The following HIVEP2 variants were observed in gnomAD, a reference collection of about 807,000 sequenced individuals.
The protein encoded by HIVEP2 is HIVEP zinc finger 2, also known as transcription factor HIVEP2.
In HIVEP2, 14 loss-of-function variants were observed where a neutral mutation model predicts 180.7. That is an observed-to-expected ratio of 0.08 (90% confidence interval 0.05 to 0.12). HIVEP2 has a LOEUF of 0.12. HIVEP2 is among the 10% of genes least tolerant of loss of function. The pLI is 1.00. For synonymous variants in HIVEP2, 1,184 were observed against 1,136.4 expected, an observed-to-expected ratio of 1.04 and a Z score of -0.84; for missense variants, 2,579 against 3,008.5, an observed-to-expected ratio of 0.86 and a Z score of 3.34.
At chr6:142,854,059 C>T (rs555103871) in intron 1 of HIVEP2, among the ~76,000 whole-genome samples, 57 of 152,272 alleles carry the variant, frequency 3.7e-4, no homozygotes, top group African/African-American at 8.7e-4. Flanking sequence ...TTGTTTCTTA[C>T]TCTGGTTTCT....
rs1292192011 is a variant in HIVEP2 at position 142,770,391 on chromosome 6, G to A, written c.4348C>T (p.Leu1450Phe). Residue 1450 changes from leucine to phenylalanine, a missense_variant, in exon 5 of 10, where the codon CTC becomes TTC. By Grantham distance (22) the Leu-to-Phe change is conservative (BLOSUM62 0). Transcript: ENST00000367603. The surrounding 1 kb of genome is among the most constrained non-coding windows in gnomAD (Gnocchi z 4.7). ...TTCTGCTGCTTGGTTTCCATGAAGA[G>A]CTCCAAGCTACTGGCTGGAGAAAGC... ...RMLSPASSLE[L>F]FMETKQQKRV... The A allele has an allele frequency of 6.2e-7, 1 of 1,614,166 alleles. No individual in the cohort carries two copies. The highest frequency in any genetic ancestry group is 8.5e-7 in the Non-Finnish European group (1 of 1,180,042).
intron 1 of HIVEP2, among the ~76,000 whole-genome samples, chr6:142,850,688 A>T (rs567286397): frequency 7.4e-4 from 112 of 152,360 alleles, no homozygotes; most frequent in Non-Finnish European, 1.4e-3. Flanking sequence ...CATTTTATTC[A>T]GACATCTAGA....
rs565469015 is a variant in HIVEP2, at chr6:142,884,982, G to A, written c.-640-47935C>T. 1.2e-3 allele frequency among the ~76,000 whole-genome samples: 176 copies of A among 152,152 alleles called. 1 individual carries two copies. Among genetic ancestry groups the A allele is most frequent in the African/African-American group, 4.1e-3 (170 of 41,542 alleles). ...CTCCAGATAGATACCCAAGCATATA[G>A]AGATTAAAAACGACACTAAATTCCT... On this transcript the variant is annotated intron_variant, in intron 1 of 9. Coordinates refer to ENST00000367603, the MANE Select transcript of HIVEP2 (RefSeq NM_006734.4).
At chr6:142,827,195 G>A (rs1230790435) in intron 2 of HIVEP2, among the ~76,000 whole-genome samples, 5 of 151,642 alleles carry the variant, frequency 3.3e-5, no homozygotes, top group African/African-American at 4.8e-5. Context: ...TATCAAGCCC[G>A]GTTGGCTATA....
intron 2 of HIVEP2, among the ~76,000 whole-genome samples, chr6:142,787,661 A>C (rs1776037503): frequency 6.6e-6 from 1 of 152,104 alleles, no homozygotes; most frequent in Non-Finnish European, 1.5e-5. Flanking sequence ...GGACTAGAGA[A>C]GGCAGGTACA....
At chr6:142,821,883 G>A (rs1045981416) in intron 2 of HIVEP2, among the ~76,000 whole-genome samples, 1 of 152,198 alleles carries the variant, frequency 6.6e-6, no homozygotes, top group Non-Finnish European at 1.5e-5. Context: ...GGCATGGCTG[G>A]AGATGACCAC....
chr6:142,941,892 A>G (rs1778187420), intron 1 of HIVEP2, among the ~76,000 whole-genome samples: 1 of 152,238 alleles, frequency 6.6e-6, no homozygotes, highest in South Asian at 2.1e-4. Flanking sequence ...GAACTAATGT[A>G]TAGACCAACA....
At chr6:142,839,245 G>A (rs954515186) in intron 1 of HIVEP2, among the ~76,000 whole-genome samples, 4 of 151,988 alleles carry the variant, frequency 2.6e-5, no homozygotes, top group African/African-American at 7.2e-5. Flanking sequence ...ATAAACACAC[G>A]ATGGTAAATG....
chr6:142,912,914 GC>G (rs759908205), intron 1 of HIVEP2, among the ~76,000 whole-genome samples: 1 of 152,178 alleles, frequency 6.6e-6, no homozygotes, highest in Non-Finnish European at 1.5e-5. Context: ...TGGAATTATT[GC>G]TTGTGCTGCA....
intron 2 of HIVEP2, chr6:142,794,115 C>T (rs1776226107): frequency 1.3e-5 from 2 of 152,274 alleles, no homozygotes; most frequent in Admixed American, 1.3e-4. Flanking sequence ...CCTCTTTGGG[C>T]TGACTGATAG....
intron 1 of HIVEP2, among the ~76,000 whole-genome samples, chr6:142,924,334 G>A (rs1282925430): frequency 6.6e-6 from 1 of 152,054 alleles, no homozygotes; most frequent in East Asian, 1.9e-4. Context: ...TTCAGCACCC[G>A]TGCTCTGAGC....
At chr6:142,914,896 C>T (rs1243136365) in intron 1 of HIVEP2, among the ~76,000 whole-genome samples, 1 of 152,154 alleles carries the variant, frequency 6.6e-6, no homozygotes, top group Non-Finnish European at 1.5e-5. Flanking sequence ...CTTTCTACCT[C>T]AACTTTCCAC....
intron 2 of HIVEP2, among the ~76,000 whole-genome samples, chr6:142,810,670 G>A (rs542932016): frequency 2.0e-5 from 3 of 150,264 alleles, no homozygotes; most frequent in Admixed American, 1.3e-4. Flanking sequence ...GCTGAGGCAG[G>A]AGAATTGCTT....
chr6:142,770,626 C>G lies in HIVEP2; in HGVS notation c.4113G>C (p.Glu1371Asp). ...SPAIVICKVD[E>D]NMTQRTLVTN... The stretch of plus-strand genomic sequence containing the variant: ...TGACCAGTGTCCTTTGGGTCATATT[C>G]TCATCGACTTTGCATATGACAATGG... Residue 1371 changes from glutamate (E) to aspartate (D), a missense_variant, in exon 5 of 10, where the codon GAG (glutamate) becomes GAC (aspartate). By Grantham distance (45) the Glu-to-Asp change is conservative. Transcript: ENST00000367603. This position sits in a 1 kb window ranked among gnomAD's most constrained non-coding sequence, Gnocchi z 4.7. The G allele has an allele frequency of 6.2e-7, 1 of 1,614,240 alleles. No homozygotes were observed.
chr6:142,760,515 C>T lies in HIVEP2; in HGVS notation c.5773G>A (p.Gly1925Arg). 1 of 1,614,070 alleles carries T rather than the reference C, an allele frequency of 6.2e-7. No homozygotes were observed. Among genetic ancestry groups the T allele is most frequent in the Non-Finnish European group, 8.5e-7 (1 of 1,180,018 alleles). Residue 1925 changes from glycine (G) to arginine (R), a missense_variant, in exon 9 of 10, where the codon GGA becomes AGA. Gly to Arg is a moderately radical substitution (Grantham distance 125). Around this residue, in one of 11 missense-constraint regions of HIVEP2, gnomAD observed 660 missense variants for 731.7 expected, o/e 0.90. Coordinates refer to ENST00000367603, the MANE Select transcript of HIVEP2 (RefSeq NM_006734.4). ...GATCTTGTTTTTGGTGTTAAATCTC[C>T]CTGGTCGTCAAAGTCATCTTCATCT... The part of the protein sequence containing the change: ...DEDEDDFDDQ[G>R]DLTPKTRSRS...
intron 1 of HIVEP2, among the ~76,000 whole-genome samples, chr6:142,891,341 A>T (rs1392021633): frequency 6.6e-6 from 1 of 151,832 alleles, no homozygotes; most frequent in Non-Finnish European, 1.5e-5. Context: ...CCACATCAAG[A>T]ATTTTAGCAA....
intron 1 of HIVEP2, among the ~76,000 whole-genome samples, chr6:142,858,219 C>A (rs762644115): frequency 2.0e-5 from 3 of 152,114 alleles, no homozygotes; most frequent in Non-Finnish European, 2.9e-5. Flanking sequence ...TCCTTTCTTT[C>A]AAGAGGAGTT....
chr6:142,858,600 T>C (rs1775889350), intron 1 of HIVEP2, among the ~76,000 whole-genome samples: 1 of 151,812 alleles, frequency 6.6e-6, no homozygotes, highest in East Asian at 1.9e-4. Context: ...ATTAAATAAA[T>C]TTTTTTTTGA....
intron 1 of HIVEP2, among the ~76,000 whole-genome samples, chr6:142,920,817 AC>A (rs1160536047): frequency 6.6e-6 from 1 of 152,118 alleles, no homozygotes; most frequent in Non-Finnish European, 1.5e-5. Flanking sequence ...ACCCATTTCT[AC>A]AAAAAATTTA....
Sources: allele counts gnomAD v4.1 joint callset (sites outside exome capture counted in the v4.1 genomes callset), GRCh38; gene constraint gnomAD v4.1.1; regional missense constraint gnomAD v4.1.1; non-coding constraint Gnocchi (gnomAD v3.1); transcripts MANE v1.5; gene names NCBI Gene and HGNC (gene_info 2026-07-23, HGNC 2026-07-21).